The following ARHGAP18 variants were observed in gnomAD, a reference collection of about 807,000 sequenced individuals.
The protein encoded by ARHGAP18 is rho GTPase-activating protein 18.
Under a neutral mutation model 86.2 loss-of-function variants are expected in ARHGAP18, and 67 were observed. The observed-to-expected ratio is 0.78, with a 90% CI of 0.64 to 0.95. The LOEUF (loss-of-function observed/expected upper bound fraction) is 0.95, where lower values mean the gene tolerates loss of function less well. ARHGAP18 is among the 40% of genes least tolerant of loss of function. The pLI, the probability that ARHGAP18 is intolerant of heterozygous loss-of-function variation, is 0.00. For missense variants in ARHGAP18, 691 were observed against 780.4 expected (o/e 0.89, Z 1.37); for synonymous variants, 283 against 280.4 (o/e 1.01, Z -0.09).
chr6:129,617,195 A>G (rs1209431131), intron 6 of ARHGAP18, among the ~76,000 whole-genome samples: 3 of 152,198 alleles, frequency 2.0e-5, no homozygotes, highest in Non-Finnish European at 2.9e-5. Flanking sequence ...AATTTTTCTA[A>G]ATTAAAATCA....
intron 12 of ARHGAP18, 112 bp downstream of exon 12, chr6:129,599,104 C>T: frequency 1.1e-6 from 1 of 885,046 alleles, no homozygotes. Flanking sequence ...CAAGTAGCAC[C>T]ACAGCCTAAT....
At chr6:129,631,975 T>TAA (rs1773228755) in intron 4 of ARHGAP18, among the ~76,000 whole-genome samples, 1 of 152,170 alleles carries the variant, frequency 6.6e-6, no homozygotes, top group African/African-American at 2.4e-5. Flanking sequence ...CTTGCAACTA[T>TAA]AAAACTTAAC....
chr6:129,606,865 C>CTT lies in ARHGAP18; in HGVS notation c.1283-908_1283-907dup, dbSNP rs34265406. The stretch of plus-strand genomic sequence containing the variant: ...AAACTGTAGCTCACCGCAATTTATT[C>CTT]TTTTTTTTTTTTTGAGTCAGAGTCT... On this transcript the variant is annotated intron_variant, in intron 9 of 14. Coordinates refer to ENST00000368149, the MANE Select transcript of ARHGAP18 (RefSeq NM_033515.3). Among the ~76,000 whole-genome samples, 212 of 144,498 alleles carry CTT rather than the reference C, an allele frequency of 1.5e-3. 1 individual carries two copies. Among genetic ancestry groups the CTT allele is most frequent in the African/African-American group, 4.7e-3 (183 of 39,288 alleles). 94.8% of individuals were successfully genotyped at this position (144,498 alleles called of 152,430 possible). A position where few individuals can be genotyped will look rare whatever the true frequency, so the allele number is the denominator to read the frequency against.
rs1409081537 is a variant in ARHGAP18 at position 129,616,225 on chromosome 6, A to G, written c.1031T>C (p.Leu344Ser). 3.7e-6 allele frequency: 6 copies of G among 1,610,870 alleles called. No homozygotes were observed. The Admixed American group carries it at 5.0e-5, about 13-fold the overall frequency. ...QRKVPGMRIP[L>S]IFQKLISRIE... The stretch of plus-strand genomic sequence containing the variant: ...AAGCCTACCTACTTTTTGAAAGATC[A>G]AGGGTATTCGCATTCCTGGTACTTT... The change falls in exon 7 of 15, where the codon TTG becomes TCG. Residue 344 changes from leucine (L) to serine (S), a missense_variant. Transcript: ENST00000368149.
In ARHGAP18 at chr6:129,578,366, A is replaced by G. The variant is rs1788221848; in HGVS notation, c.*147T>C. The G allele has an allele frequency of 7.4e-6, 3 of 404,850 alleles. No individual in the cohort carries two copies. In the Admixed American group the frequency reaches 1.3e-4, roughly 18 times the overall value. The allele number at this position is 404,850 out of a possible 1,614,324, so 25.1% of individuals were successfully genotyped here. A position where few individuals can be genotyped will look rare whatever the true frequency, so the allele number is the denominator to read the frequency against. ...ATAATTCTGGCAGCAGCACAAATCT[A>G]TGACTTTTTAAGGCTTAAGAGAGTC... On this transcript the variant is annotated 3_prime_UTR_variant, in exon 15 of 15. Transcript: ENST00000368149.
intron 1 of ARHGAP18, among the ~76,000 whole-genome samples, chr6:129,659,408 C>T (rs926905684): frequency 1.3e-4 from 20 of 152,214 alleles, no homozygotes; most frequent in Non-Finnish European, 4.4e-5. Context: ...CACACTATGC[C>T]AAACTGTGGA....
intron 4 of ARHGAP18, among the ~76,000 whole-genome samples, chr6:129,630,159 G>A (rs1773170600): frequency 6.6e-6 from 1 of 152,202 alleles, no homozygotes; most frequent in Non-Finnish European, 1.5e-5. Context: ...TCCTACAACT[G>A]TAAATACCAG....
chr6:129,653,604 A>G (rs1490198735), intron 1 of ARHGAP18, among the ~76,000 whole-genome samples: 4 of 152,242 alleles, frequency 2.6e-5, no homozygotes, highest in Non-Finnish European at 5.9e-5. Flanking sequence ...AGTCAGTAAC[A>G]AAGTAGAATA....
chr6:129,583,890 CAAAAAA>C (rs113008374), intron 13 of ARHGAP18, 92 bp downstream of exon 13: 1 of 999,494 alleles, frequency 1.0e-6, no homozygotes, highest in African/African-American at 2.1e-5. Flanking sequence ...ACAATTAAAA[CAAAAAA>C]AAAAAAAAGG....
chr6:129,675,772 A>T (rs1487043492), intron 1 of ARHGAP18, among the ~76,000 whole-genome samples: 1 of 152,152 alleles, frequency 6.6e-6, no homozygotes, highest in Admixed American at 6.5e-5. Context: ...CAGGTAATAA[A>T]TTCCCCTCCA....
intron 1 of ARHGAP18, among the ~76,000 whole-genome samples, chr6:129,685,887 G>A (rs773761280): frequency 2.6e-5 from 4 of 152,030 alleles, no homozygotes; most frequent in Non-Finnish European, 4.4e-5. Flanking sequence ...TCTAGGAAAC[G>A]AAGAAGTCTT....
chr6:129,660,650 A>G (rs968266977), intron 1 of ARHGAP18, among the ~76,000 whole-genome samples: 24 of 152,114 alleles, frequency 1.6e-4, no homozygotes, highest in Non-Finnish European at 2.6e-4. Flanking sequence ...CTTAGGCCCC[A>G]CTCCAGATTT....
chr6:129,651,567 T>A (rs1773710771), intron 1 of ARHGAP18, among the ~76,000 whole-genome samples: 1 of 152,118 alleles, frequency 6.6e-6, no homozygotes, highest in Non-Finnish European at 1.5e-5. Context: ...GGGTGGAATT[T>A]TCCAGTTCCT....
At chr6:129,626,892 G>T (rs939537186) in intron 5 of ARHGAP18, among the ~76,000 whole-genome samples, 3 of 152,064 alleles carry the variant, frequency 2.0e-5, no homozygotes, top group Admixed American at 2.0e-4. Flanking sequence ...GACAGAAGAT[G>T]CTCATGTACG....
At chr6:129,684,831 AC>A (rs1245249056) in intron 1 of ARHGAP18, among the ~76,000 whole-genome samples, 1 of 152,150 alleles carries the variant, frequency 6.6e-6, no homozygotes, top group African/African-American at 2.4e-5. Flanking sequence ...GCCTAATACT[AC>A]CCCAAGGAAT....
intron 14 of ARHGAP18, among the ~76,000 whole-genome samples, chr6:129,579,627 G>A (rs1359441485): frequency 6.6e-6 from 1 of 152,150 alleles, no homozygotes; most frequent in African/African-American, 2.4e-5. Flanking sequence ...TTGAGTGTGT[G>A]TGCATGTGTA....
chr6:129,636,219 G>A (rs1488662616), intron 3 of ARHGAP18, among the ~76,000 whole-genome samples: 1 of 152,190 alleles, frequency 6.6e-6, no homozygotes, highest in East Asian at 1.9e-4. Context: ...AGTGCCTGGA[G>A]CAATTTAATG....
At position 129,583,967 on chromosome 6, in the gene ARHGAP18, TAAC is replaced by T; in HGVS notation, c.1838+18_1838+20del. 1 of 1,609,554 alleles carries T rather than the reference TAAC, an allele frequency of 6.2e-7. No individual in the cohort carries two copies. Among genetic ancestry groups the T allele is most frequent in the Non-Finnish European group, 8.5e-7 (1 of 1,177,440 alleles). On this transcript the variant is annotated intron_variant, in intron 13 of 14. Transcript: ENST00000368149. Reference sequence around the variant, plus strand: ...CAAGTGACTTATGCCATGGCATAATTAACACAAAACAGGCCTCTACCTTTCTTG... The same window carrying T: ...CAAGTGACTTATGCCATGGCATAATTACAAAACAGGCCTCTACCTTTCTTG...
chr6:129,665,990 G>T (rs1256418717), intron 1 of ARHGAP18, among the ~76,000 whole-genome samples: 1 of 152,028 alleles, frequency 6.6e-6, no homozygotes. Flanking sequence ...TTTGCCTGCT[G>T]CTAGTCTACT....
Sources: allele counts gnomAD v4.1 joint callset (sites outside exome capture counted in the v4.1 genomes callset), GRCh38; gene constraint gnomAD v4.1.1; transcripts MANE v1.5; gene names NCBI Gene and HGNC (gene_info 2026-07-23, HGNC 2026-07-21).